ASIC2: variants seen among roughly 807,000 people sequenced by gnomAD.
The protein encoded by ASIC2 is acid sensing ion channel subunit 2, also known as acid-sensing ion channel 2.
In ASIC2, 25 loss-of-function variants were observed where a neutral mutation model predicts 57.3. The ratio of observed to expected loss-of-function variants is 0.44; its 90% CI spans 0.32 to 0.61. The LOEUF (loss-of-function observed/expected upper bound fraction) is 0.61. ASIC2 is among the 20% of genes least tolerant of loss of function. ASIC2 has a pLI of 0.06. For synonymous variants in ASIC2, 319 were observed against 307.5 expected (o/e 1.04, Z -0.39); for missense variants, 641 against 738.1 (o/e 0.87, Z 1.52).
intron 2 of ASIC2, among the ~76,000 whole-genome samples, chr17:33,090,198 A>G (rs2092152004): frequency 6.6e-6 from 1 of 152,166 alleles, no homozygotes; most frequent in South Asian, 2.1e-4. Flanking sequence ...CCACCTGACC[A>G]TCTTCCCACT....
At chr17:33,580,043 G>C (rs1904377405) in intron 1 of ASIC2, 2 of 152,096 alleles carry the variant, frequency 1.3e-5, no homozygotes, top group South Asian at 4.1e-4. Flanking sequence ...CCTTTAGCTA[G>C]ACAGAAAAGT....
At chr17:33,445,660 G>T (rs913175042) in intron 1 of ASIC2, among the ~76,000 whole-genome samples, 2 of 151,942 alleles carry the variant, frequency 1.3e-5, no homozygotes, top group Admixed American at 6.6e-5. Flanking sequence ...AGCTGGGCGT[G>T]GCGGCTCATG....
At chr17:33,515,210 G>C (rs1914530769) in intron 1 of ASIC2, among the ~76,000 whole-genome samples, 1 of 152,196 alleles carries the variant, frequency 6.6e-6, no homozygotes. Context: ...GTTGGGAGGG[G>C]ATGGAGGAGG....
intron 1 of ASIC2, among the ~76,000 whole-genome samples, chr17:34,128,392 AT>A (rs34968551): frequency 0.13 from 19,198 of 152,160 alleles, 1,392 homozygotes; most frequent in African/African-American, 0.2. Flanking sequence ...CAAGGGAACC[AT>A]GAACCTCCCT....
chr17:33,394,980 T>C (rs1205853095), intron 1 of ASIC2, among the ~76,000 whole-genome samples: 3 of 151,592 alleles, frequency 2.0e-5, no homozygotes, highest in Non-Finnish European at 4.4e-5. Context: ...CATTCACCCA[T>C]CCATCTATCC....
intron 1 of ASIC2, among the ~76,000 whole-genome samples, chr17:33,860,381 C>G (rs534252006): frequency 6.6e-6 from 1 of 152,180 alleles, no homozygotes; most frequent in African/African-American, 2.4e-5. Context: ...CAGTGACCAT[C>G]TATGCAGTCA....
At chr17:33,175,575 A>T (rs1905719119) in intron 1 of ASIC2, among the ~76,000 whole-genome samples, 1 of 152,014 alleles carries the variant, frequency 6.6e-6, no homozygotes, top group South Asian at 2.1e-4. Context: ...CTTGTGGCAG[A>T]TTGAAATGAC....
rs532367438 is a variant in ASIC2 at position 33,327,636 on chromosome 17, G to A, written c.556-215569C>T. 3.9e-5 allele frequency among the ~76,000 whole-genome samples: 6 copies of A among 152,232 alleles called. No homozygotes were observed. The East Asian group carries it at 9.7e-4, about 24-fold the overall frequency. On this transcript the variant is annotated intron_variant, in intron 1 of 9. Coordinates refer to the ASIC2 transcript ENST00000359872. ...GTGTAAATGGACATATATATTCAAC[G>A]TAATACATGTTGTAGAAATATAGGA... is the stretch of plus-strand genomic sequence containing the variant.
At chr17:33,729,634 C>T (rs1180882513) in intron 1 of ASIC2, among the ~76,000 whole-genome samples, 1 of 152,170 alleles carries the variant, frequency 6.6e-6, no homozygotes, top group South Asian at 2.1e-4. Context: ...ACAATGTGAT[C>T]TGGGCAAATT....
At chr17:33,939,579 A>C (rs1916140204) in intron 1 of ASIC2, among the ~76,000 whole-genome samples, 1 of 151,282 alleles carries the variant, frequency 6.6e-6, no homozygotes, top group Non-Finnish European at 1.5e-5. Context: ...TACAGAGTGC[A>C]GGCTCTTCCA....
chr17:33,964,721 TTTC>T (rs1180503283), intron 1 of ASIC2, among the ~76,000 whole-genome samples: 1 of 152,228 alleles, frequency 6.6e-6, no homozygotes, highest in Non-Finnish European at 1.5e-5. Context: ...TTGCCAGAAC[TTTC>T]TTATTTCATT....
intron 1 of ASIC2, among the ~76,000 whole-genome samples, chr17:33,466,938 G>A (rs548609893): frequency 6.6e-6 from 1 of 152,298 alleles, no homozygotes; most frequent in South Asian, 2.1e-4. Context: ...GCATGGGCAA[G>A]GACTTCATGA....
At chr17:33,796,316 TA>T (rs1911918836) in intron 1 of ASIC2, among the ~76,000 whole-genome samples, 1 of 152,164 alleles carries the variant, frequency 6.6e-6, no homozygotes, top group Non-Finnish European at 1.5e-5. Context: ...ATCCCAAATC[TA>T]GTATCTGCCA....
intron 1 of ASIC2, among the ~76,000 whole-genome samples, chr17:34,125,784 C>T (rs1163120818): frequency 6.6e-6 from 1 of 152,226 alleles, no homozygotes; most frequent in Non-Finnish European, 1.5e-5. Context: ...GATGTCTCCA[C>T]AATACCACAG....
At chr17:34,154,785 A>G (rs1904650505) in intron 1 of ASIC2, among the ~76,000 whole-genome samples, 1 of 152,176 alleles carries the variant, frequency 6.6e-6, no homozygotes, top group African/African-American at 2.4e-5. Context: ...TTTTGGCTCA[A>G]CGTTCTGAGA....
At position 33,457,020 on chromosome 17, in the gene ASIC2, T is replaced by A. The variant is rs144664944; in HGVS notation, c.556-344953A>T. 3.7e-4 allele frequency among the ~76,000 whole-genome samples: 57 copies of A among 152,304 alleles called. No individual in the cohort carries two copies. In the East Asian group the frequency reaches 9.8e-3, roughly 26 times the overall value. Reference sequence around the variant, plus strand: ...TGGGCTCCCTGCATAGTAGCTGTAATCCTGCACAAGCTAATTAATTTCTTT... The same window carrying A: ...TGGGCTCCCTGCATAGTAGCTGTAAACCTGCACAAGCTAATTAATTTCTTT... On this transcript the variant is annotated intron_variant, in intron 1 of 9. Transcript: ENST00000359872.
chr17:33,858,560 C>T (rs1302115483), intron 1 of ASIC2, among the ~76,000 whole-genome samples: 1 of 152,242 alleles, frequency 6.6e-6, no homozygotes, highest in African/African-American at 2.4e-5. Flanking sequence ...CAGCCTGAGT[C>T]CCTGTGAGCA....
intron 3 of ASIC2, among the ~76,000 whole-genome samples, chr17:33,036,765 C>G (rs1197885055): frequency 6.6e-6 from 1 of 152,114 alleles, no homozygotes; most frequent in Non-Finnish European, 1.5e-5. Flanking sequence ...CCTTGCTCTA[C>G]TTTGTCATGT....
intron 1 of ASIC2, among the ~76,000 whole-genome samples, chr17:33,660,768 T>TA (rs1246668624): frequency 3.9e-5 from 6 of 152,242 alleles, no homozygotes; most frequent in Non-Finnish European, 8.8e-5. Flanking sequence ...GTTAGACTCT[T>TA]ACGGAACCAC....
Sources: gnomAD v4.1 joint callset for allele counts (sites outside exome capture counted in the v4.1 genomes callset) on GRCh38, gnomAD v4.1.1 for gene constraint, MANE v1.5 for transcripts, NCBI Gene and HGNC (gene_info 2026-07-23, HGNC 2026-07-21) for gene names.